CNOT10: variants seen among roughly 807,000 people sequenced by gnomAD.
CNOT10 encodes the protein CCR4-NOT transcription complex subunit 10.
Under a neutral mutation model 94.6 loss-of-function variants are expected in CNOT10, and 30 were observed. The ratio of observed to expected loss-of-function variants is 0.32; its 90% CI spans 0.24 to 0.43. The LOEUF (loss-of-function observed/expected upper bound fraction) is 0.43, where lower values mean the gene tolerates loss of function less well. Among genes scored for constraint, CNOT10 ranks in the 20% least tolerant of loss-of-function variants. The pLI, the probability that CNOT10 is intolerant of heterozygous loss-of-function variation, is 1.00. For synonymous variants in CNOT10, 289 were observed against 301.6 expected, an observed-to-expected ratio of 0.96 and a Z score of 0.43; for missense variants, 759 against 877.2, an observed-to-expected ratio of 0.87 and a Z score of 1.70.
At chr3:32,744,706 A>T (rs1699618580) in intron 13 of CNOT10, among the ~76,000 whole-genome samples, 1 of 152,126 alleles carries the variant, frequency 6.6e-6, no homozygotes, top group Non-Finnish European at 1.5e-5. Context: ...AGAGATACTA[A>T]TATAATGGAT....
intron 13 of CNOT10, among the ~76,000 whole-genome samples, chr3:32,752,591 A>G (rs6804975): frequency 0.038 from 5,717 of 152,290 alleles, 173 homozygotes; most frequent in Middle Eastern, 0.079. Context: ...ATGTTTGTCA[A>G]TAAGATTCTT....
chr3:32,750,445 T>C (rs1441965448), intron 13 of CNOT10, among the ~76,000 whole-genome samples: 2 of 151,888 alleles, frequency 1.3e-5, no homozygotes, highest in African/African-American at 4.8e-5. Context: ...TGAGCCAAGA[T>C]CGCACCACTG....
At position 32,773,688 on chromosome 3, in the gene CNOT10, T is replaced by C; in HGVS notation, c.*77T>C. The C allele has an allele frequency of 2.1e-6, 3 of 1,410,630 alleles. No individual in the cohort carries two copies. The highest frequency in any genetic ancestry group is 2.9e-6 in the Non-Finnish European group (3 of 1,048,284). The allele number at this position is 1,410,630 out of a possible 1,614,324, so 87.4% of individuals were successfully genotyped here. A position where few individuals can be genotyped will look rare whatever the true frequency, so the allele number is the denominator to read the frequency against. On this transcript the variant is annotated 3_prime_UTR_variant, in exon 19 of 19. Transcript: ENST00000328834. The stretch of plus-strand genomic sequence containing the variant: ...CCATTTTAGTTGTATCACAGCAGAA[T>C]GAATAAAAGATGGTGAAGGCTGTTA...
At chr3:32,747,773 C>T (rs1438512461) in intron 13 of CNOT10, among the ~76,000 whole-genome samples, 9 of 152,126 alleles carry the variant, frequency 5.9e-5, no homozygotes, top group Non-Finnish European at 1.2e-4. Flanking sequence ...CATGGTGAAA[C>T]CCCGTCTCTA....
intron 1 of CNOT10, among the ~76,000 whole-genome samples, chr3:32,689,166 A>G (rs904872092): frequency 6.6e-6 from 1 of 152,094 alleles, no homozygotes; most frequent in Non-Finnish European, 1.5e-5. Context: ...CAGGCTGGCC[A>G]ACATGTTGAA....
intron 3 of CNOT10, among the ~76,000 whole-genome samples, chr3:32,705,789 A>G (rs1697593681): frequency 6.6e-6 from 1 of 152,192 alleles, no homozygotes; most frequent in Non-Finnish European, 1.5e-5. Flanking sequence ...ATGATACTCT[A>G]TAGTATCACC....
intron 8 of CNOT10, among the ~76,000 whole-genome samples, chr3:32,724,761 G>C (rs1698593183): frequency 6.6e-6 from 1 of 151,766 alleles, no homozygotes; most frequent in Non-Finnish European, 1.5e-5. Flanking sequence ...GTTTCACCAT[G>C]TTGGCCAGGC....
At chr3:32,710,147 C>CAAAA (rs68126514) in intron 4 of CNOT10, among the ~76,000 whole-genome samples, 1 of 70,638 alleles carries the variant, frequency 1.4e-5, no homozygotes, top group Non-Finnish European at 2.9e-5. Flanking sequence ...AACTTGCTCT[C>CAAAA]AAAAAAAAAA....
chr3:32,729,759 T>C (rs926338411), intron 10 of CNOT10, among the ~76,000 whole-genome samples: 2 of 124,460 alleles, frequency 1.6e-5, no homozygotes, highest in Admixed American at 2.0e-4. Flanking sequence ...AATTTATACT[T>C]CTTTTTTTTT....
At chr3:32,729,113 A>T (rs1364956304) in intron 10 of CNOT10, among the ~76,000 whole-genome samples, 1 of 152,192 alleles carries the variant, frequency 6.6e-6, no homozygotes, top group Non-Finnish European at 1.5e-5. Context: ...TTCTGATAAC[A>T]TAATGTGGAA....
chr3:32,709,569 T>G (rs1697777093), intron 4 of CNOT10, among the ~76,000 whole-genome samples: 1 of 151,804 alleles, frequency 6.6e-6, no homozygotes, highest in Non-Finnish European at 1.5e-5. Flanking sequence ...AGGTAGAGAG[T>G]CCCCTTTTGC....
chr3:32,722,678 A>G (rs951388777), intron 8 of CNOT10, among the ~76,000 whole-genome samples: 21 of 152,294 alleles, frequency 1.4e-4, no homozygotes, highest in African/African-American at 5.1e-4. Context: ...GTCTCTAAAA[A>G]TAAATTAATA....
Position 32,701,256 on chromosome 3 carries a change from A to C in CNOT10, c.23-2612A>C, listed in dbSNP as rs1441356453. ...AAATAAATAAGTAAAATAAAAATAA[A>C]AATAAAAATGACTAATATTTACATT... On this transcript the variant is annotated intron_variant, in intron 1 of 18. Transcript: ENST00000328834. Among the ~76,000 whole-genome samples, 7 of 138,006 alleles carry C rather than the reference A, an allele frequency of 5.1e-5. No homozygotes were observed. The East Asian group carries it at 1.5e-3, about 30-fold the overall frequency. 90.5% of individuals were successfully genotyped at this position (138,006 alleles called of 152,430 possible).
chr3:32,748,828 G>GT (rs1275910978), intron 13 of CNOT10, among the ~76,000 whole-genome samples: 1 of 147,854 alleles, frequency 6.8e-6, no homozygotes, highest in Non-Finnish European at 1.5e-5. Flanking sequence ...TGTTTTTGTG[G>GT]TTTTTTTGTT....
At chr3:32,772,313 C>A (rs572358447) in intron 18 of CNOT10, among the ~76,000 whole-genome samples, 88 of 151,656 alleles carry the variant, frequency 5.8e-4, no homozygotes, top group Admixed American at 1.5e-3. Context: ...CGTGCCACTG[C>A]ACTCCAGTCT....
intron 13 of CNOT10, among the ~76,000 whole-genome samples, chr3:32,743,334 A>C (rs530697837): frequency 2.1e-3 from 313 of 152,202 alleles, no homozygotes; most frequent in African/African-American, 6.8e-3. Context: ...GCAATTTAAG[A>C]AGTATATTGT....
intron 1 of CNOT10, chr3:32,687,714 A>G (rs1028261488): frequency 6.6e-6 from 1 of 151,716 alleles, no homozygotes; most frequent in African/African-American, 2.4e-5. Context: ...CGCCCTCCCA[A>G]AGTGCTGGGA....
chr3:32,764,584 A>G, intron 16 of CNOT10, 94 bp downstream of exon 16: 3 of 1,603,820 alleles, frequency 1.9e-6, no homozygotes, highest in Non-Finnish European at 2.6e-6. Flanking sequence ...TGCCTGAGGA[A>G]TACTGCTGTG....
intron 13 of CNOT10, among the ~76,000 whole-genome samples, chr3:32,756,580 T>C (rs1382102454): frequency 6.6e-6 from 1 of 152,164 alleles, no homozygotes; most frequent in Non-Finnish European, 1.5e-5. Flanking sequence ...AAGTCCCATT[T>C]GTGGGAGCTG....
Sources: allele counts gnomAD v4.1 joint callset (sites outside exome capture counted in the v4.1 genomes callset), GRCh38; gene constraint gnomAD v4.1.1; transcripts MANE v1.5; gene names NCBI Gene and HGNC (gene_info 2026-07-23, HGNC 2026-07-21).